The following HECW2 variants were observed in gnomAD, a reference collection of about 807,000 sequenced individuals.
HECW2 encodes E3 ubiquitin-protein ligase HECW2.
In HECW2, 61 loss-of-function variants were observed where a neutral mutation model predicts 175.2. The ratio of observed to expected loss-of-function variants is 0.35; its 90% CI spans 0.28 to 0.43. The LOEUF is 0.43. HECW2 is among the 20% of genes least tolerant of loss of function. The pLI is 1.00. For synonymous variants in HECW2, 671 were observed against 731.0 expected (o/e 0.92, Z 1.32); for missense variants, 1,524 against 2,000.5 (o/e 0.76, Z 4.54).
intron 1 of HECW2, among the ~76,000 whole-genome samples, chr2:196,476,007 C>T (rs1300277645): frequency 6.6e-6 from 1 of 152,196 alleles, no homozygotes. Context: ...GCATAGGACC[C>T]TCAATACATT....
chr2:196,385,198 C>G (rs1010302378), intron 2 of HECW2, among the ~76,000 whole-genome samples: 1 of 152,126 alleles, frequency 6.6e-6, no homozygotes, highest in Non-Finnish European at 1.5e-5. Context: ...AAGCATGAGC[C>G]ATTGTGCCTG....
At chr2:196,349,216 T>C (rs1693080151) in intron 2 of HECW2, among the ~76,000 whole-genome samples, 1 of 152,362 alleles carries the variant, frequency 6.6e-6, no homozygotes, top group Non-Finnish European at 1.5e-5. Flanking sequence ...ATTACCTTCC[T>C]TGCCTTCTTT....
At chr2:196,222,085 C>A in intron 24 of HECW2, 126 bp downstream of exon 24, 1 of 749,532 alleles carries the variant, frequency 1.3e-6, no homozygotes, top group South Asian at 2.3e-5. Context: ...GTGTGTGATC[C>A]TGAGTTTAAA....
intron 28 of HECW2, among the ~76,000 whole-genome samples, chr2:196,204,791 C>T (rs1181198150): frequency 2.0e-5 from 3 of 152,182 alleles, no homozygotes; most frequent in Non-Finnish European, 4.4e-5. Context: ...AAGTGTGATA[C>T]AGTAGAATCA....
intron 5 of HECW2, among the ~76,000 whole-genome samples, chr2:196,326,588 C>T (rs1389332490): frequency 6.6e-6 from 1 of 151,746 alleles, no homozygotes; most frequent in African/African-American, 2.4e-5. Flanking sequence ...GGATTACAGG[C>T]ACGTACCACC....
intron 1 of HECW2, among the ~76,000 whole-genome samples, chr2:196,471,849 A>C (rs1469806537): frequency 1.3e-5 from 2 of 152,148 alleles, no homozygotes; most frequent in African/African-American, 4.8e-5. Flanking sequence ...GAGGATCAGA[A>C]AAAACAACTA....
intron 1 of HECW2, among the ~76,000 whole-genome samples, chr2:196,460,776 A>ATTTTT (rs201916150): frequency 6.0e-5 from 7 of 116,088 alleles, no homozygotes; most frequent in South Asian, 3.1e-4. Context: ...ACACCTGGCA[A>ATTTTT]TTTTTTTTTT....
intron 25 of HECW2, 64 bp from the exon 26 acceptor site, chr2:196,220,217 G>T: frequency 9.1e-7 from 1 of 1,095,384 alleles, no homozygotes; most frequent in South Asian, 1.3e-5. Context: ...CTATAATTAA[G>T]CCTTAGAAAA....
intron 1 of HECW2, among the ~76,000 whole-genome samples, chr2:196,446,203 T>C (rs1206778288): frequency 1.3e-5 from 2 of 152,158 alleles, no homozygotes; most frequent in Non-Finnish European, 2.9e-5. Context: ...CCACAGGGCC[T>C]TTGCATATGC....
chr2:196,361,064 A>T (rs1693570660), intron 2 of HECW2, among the ~76,000 whole-genome samples: 1 of 152,236 alleles, frequency 6.6e-6, no homozygotes, highest in African/African-American at 2.4e-5. Context: ...GGCATTTAAT[A>T]GCCAAAAAGT....
At chr2:196,464,770 G>A (rs1322663155) in intron 1 of HECW2, among the ~76,000 whole-genome samples, 13 of 152,188 alleles carry the variant, frequency 8.5e-5, no homozygotes, top group Admixed American at 7.2e-4. Flanking sequence ...GGCCAGGCAC[G>A]GTGGCTCACG....
chr2:196,436,606 A>G (rs1358813938), intron 1 of HECW2, among the ~76,000 whole-genome samples: 1 of 152,164 alleles, frequency 6.6e-6, no homozygotes, highest in Non-Finnish European at 1.5e-5. Flanking sequence ...CATAATACAT[A>G]TTTGTTTTCA....
chr2:196,543,440 A>C (rs1490635181), intron 1 of HECW2, among the ~76,000 whole-genome samples: 2 of 152,126 alleles, frequency 1.3e-5, no homozygotes, highest in East Asian at 1.9e-4. Flanking sequence ...ATAATTATAT[A>C]ATCAATATAA....
At chr2:196,327,176 T>G (rs979910474) in intron 5 of HECW2, among the ~76,000 whole-genome samples, 1 of 152,178 alleles carries the variant, frequency 6.6e-6, no homozygotes, top group African/African-American at 2.4e-5. Context: ...CAAAAAATAT[T>G]CCTTTGAACA....
At chr2:196,386,615 C>T (rs1694358224) in intron 2 of HECW2, among the ~76,000 whole-genome samples, 1 of 152,128 alleles carries the variant, frequency 6.6e-6, no homozygotes. Context: ...ATATCCTTGG[C>T]CTTCTTTGCT....
chr2:196,318,628 C>G lies in HECW2; in HGVS notation c.2262G>C (p.Pro754=). Residue 754 remains proline, a synonymous_variant, in exon 9 of 29, where the codon CCG becomes CCC. Transcript: ENST00000644978. ...CCTCCCCAGCACTGCCTTCTTCTTG[C>G]GGTGGGCTCTCGGCAGCAGCTGCAG... The part of the protein sequence containing the change: ...EGAAAAAESP[P]QEEGSAGEAQ... The G allele has an allele frequency of 6.3e-7, 1 of 1,590,242 alleles. No individual in the cohort carries two copies. Among genetic ancestry groups the G allele is most frequent in the South Asian group, 1.2e-5 (1 of 86,826 alleles).
At chr2:196,238,391 G>C (rs1012125375) in intron 21 of HECW2, 6 of 152,094 alleles carry the variant, frequency 3.9e-5, no homozygotes, top group African/African-American at 1.4e-4. Context: ...TGTTTGAGAA[G>C]GTGGCAAAGG....
intron 1 of HECW2, among the ~76,000 whole-genome samples, chr2:196,522,279 T>G (rs538981831): frequency 6.6e-6 from 1 of 152,238 alleles, no homozygotes. Flanking sequence ...CATAAATGTC[T>G]TCTTTTGAGA....
chr2:196,557,276 T>C (rs562471748), intron 1 of HECW2, among the ~76,000 whole-genome samples: 1 of 152,002 alleles, frequency 6.6e-6, no homozygotes, highest in African/African-American at 2.4e-5. Context: ...ATTCCTGTAA[T>C]CCCAGCTACT....
Sources: allele counts gnomAD v4.1 joint callset (sites outside exome capture counted in the v4.1 genomes callset), GRCh38; gene constraint gnomAD v4.1.1; transcripts MANE v1.5; gene names NCBI Gene and HGNC (gene_info 2026-07-23, HGNC 2026-07-21).